LRRC4C: variants seen among roughly 807,000 people sequenced by gnomAD.
The protein encoded by LRRC4C is leucine rich repeat containing 4C.
LRRC4C carries 5 observed loss-of-function variants against 33.6 expected under a neutral mutation model. The ratio of observed to expected loss-of-function variants is 0.15; its 90% CI spans 0.08 to 0.31. LRRC4C has a LOEUF of 0.31. Ranked by LOEUF, LRRC4C falls within the 10% of genes least tolerant of loss-of-function variation. The pLI, the probability that LRRC4C is intolerant of heterozygous loss-of-function variation, is 1.00. For missense variants in LRRC4C, 560 were observed against 796.7 expected, an observed-to-expected ratio of 0.70 and a Z score of 3.58; for synonymous variants, 329 against 302.0, an observed-to-expected ratio of 1.09 and a Z score of -0.93.
Position 41,448,122 on chromosome 11 carries a change from G to GTTTTTTTTTTTTTTT in LRRC4C, c.-496+11294_-496+11308dup, listed in dbSNP as rs71063918. On this transcript the variant is annotated intron_variant, in intron 1 of 6. Coordinates refer to ENST00000528697, the MANE Select transcript of LRRC4C (RefSeq NM_001258419.2). ...ACAAACGAGGCTGCTGCACACGTCT[G>GTTTTTTTTTTTTTTT]TTTTTTTTTTTTTTTTTTTTGGAGC... is the stretch of plus-strand genomic sequence containing the variant. Among the ~76,000 whole-genome samples, 19 of 46,900 alleles carry GTTTTTTTTTTTTTTT rather than the reference G, an allele frequency of 4.1e-4. 2 individuals carry two copies. The highest frequency in any genetic ancestry group is 6.5e-4 in the Non-Finnish European group (15 of 22,916). 30.8% of individuals were successfully genotyped at this position (46,900 alleles called of 152,430 possible). A position where few individuals can be genotyped will look rare whatever the true frequency, so the allele number is the denominator to read the frequency against.
chr11:40,578,320 T>C (rs1958312331), intron 3 of LRRC4C, among the ~76,000 whole-genome samples: 1 of 151,832 alleles, frequency 6.6e-6, no homozygotes, highest in African/African-American at 2.4e-5. Context: ...AGGATATTTT[T>C]GTCAGAAAAT....
At chr11:40,286,753 T>A (rs1943867241) in intron 4 of LRRC4C, among the ~76,000 whole-genome samples, 1 of 152,146 alleles carries the variant, frequency 6.6e-6, no homozygotes, top group Admixed American at 6.5e-5. Flanking sequence ...ATTTTACAAT[T>A]GAGGAAACCG....
chr11:40,817,689 A>C lies in LRRC4C; in HGVS notation c.-407+115946T>G, dbSNP rs545780978. Among the ~76,000 whole-genome samples, 11 of 152,238 alleles carry C rather than the reference A, an allele frequency of 7.2e-5. No homozygotes were observed. The South Asian group carries it at 2.1e-3, about 29-fold the overall frequency. On this transcript the variant is annotated intron_variant, in intron 2 of 6. Coordinates refer to ENST00000528697, the MANE Select transcript of LRRC4C (RefSeq NM_001258419.2). ...TCAGAAACCTGGTAATCACTTTTGA[A>C]TCTTATCTCTTCCTTACATTAAAAG...
intron 3 of LRRC4C, among the ~76,000 whole-genome samples, chr11:40,527,155 T>G (rs759228693): frequency 6.6e-6 from 1 of 152,140 alleles, no homozygotes; most frequent in South Asian, 2.1e-4. Context: ...GATAGGACAT[T>G]TCTAAGTATA....
intron 3 of LRRC4C, among the ~76,000 whole-genome samples, chr11:40,480,938 T>C (rs983955683): frequency 6.6e-6 from 1 of 151,486 alleles, no homozygotes; most frequent in Non-Finnish European, 1.5e-5. Flanking sequence ...GGTGGAAAAG[T>C]GGGGAGAGGT....
intron 5 of LRRC4C, among the ~76,000 whole-genome samples, chr11:40,239,856 T>G (rs2136083525): frequency 6.6e-6 from 1 of 152,324 alleles, no homozygotes; most frequent in South Asian, 2.1e-4. Context: ...CAAATGTTTC[T>G]TCTTGAAAAG....
chr11:40,266,660 A>C (rs1942280922), intron 4 of LRRC4C, among the ~76,000 whole-genome samples: 1 of 152,198 alleles, frequency 6.6e-6, no homozygotes, highest in African/African-American at 2.4e-5. Context: ...AAAAGAAGGC[A>C]CAGACATTTG....
At position 40,269,748 on chromosome 11, in the gene LRRC4C, A is replaced by G. The variant is rs1057376394; in HGVS notation, c.-175-28150T>C. On this transcript the variant is annotated intron_variant, in intron 4 of 6. Transcript: ENST00000528697. ...ATTTTGTGTACTTCAAGGGATATACATTTTTTATCCCTATCCCTTTCCAAG... is the reference window on the plus strand; with the variant it reads ...ATTTTGTGTACTTCAAGGGATATACGTTTTTTATCCCTATCCCTTTCCAAG... Among the ~76,000 whole-genome samples, 8 of 126,658 alleles carry G rather than the reference A, an allele frequency of 6.3e-5. No individual in the cohort carries two copies. The South Asian group carries it at 2.0e-3, about 32-fold the overall frequency. The allele number at this position is 126,658 out of a possible 152,430, so 83.1% of individuals were successfully genotyped here. A position where few individuals can be genotyped will look rare whatever the true frequency, so the allele number is the denominator to read the frequency against.
chr11:41,091,966 C>T (rs540559194), intron 1 of LRRC4C, among the ~76,000 whole-genome samples: 166 of 152,036 alleles, frequency 1.1e-3, no homozygotes, highest in Middle Eastern at 6.8e-3. Context: ...ATCATAGTTG[C>T]ACTAAATATG....
At chr11:40,142,866 G>C (rs749421311) in intron 5 of LRRC4C, among the ~76,000 whole-genome samples, 1 of 152,022 alleles carries the variant, frequency 6.6e-6, no homozygotes, top group Non-Finnish European at 1.5e-5. Context: ...CCTCCACTTG[G>C]AGGCTTCAAA....
intron 6 of LRRC4C, among the ~76,000 whole-genome samples, chr11:40,124,269 T>G (rs2927206): frequency 1 from 151,771 of 152,256 alleles, 75,645 homozygotes; most frequent in Middle Eastern, 1. Context: ...ACTAAAAATA[T>G]AACTATAATA....
At chr11:41,387,772 G>A (rs1953418724) in intron 1 of LRRC4C, among the ~76,000 whole-genome samples, 2 of 151,752 alleles carry the variant, frequency 1.3e-5, no homozygotes, top group African/African-American at 4.8e-5. Context: ...AGTTATATAT[G>A]TTAGCTGCAA....
chr11:40,948,286 A>T (rs1958504573), intron 1 of LRRC4C, among the ~76,000 whole-genome samples: 2 of 152,206 alleles, frequency 1.3e-5, no homozygotes, highest in Non-Finnish European at 2.9e-5. Context: ...TGAAATCCTA[A>T]GAACATAGAG....
chr11:41,319,174 C>G (rs1291370429), intron 1 of LRRC4C, among the ~76,000 whole-genome samples: 2 of 152,086 alleles, frequency 1.3e-5, no homozygotes, highest in South Asian at 2.1e-4. Flanking sequence ...ATCTATGAAC[C>G]AGGAAAGTTA....
chr11:41,163,284 G>GTT (rs71466923), intron 1 of LRRC4C, among the ~76,000 whole-genome samples: 1,246 of 73,356 alleles, frequency 0.017, 232 homozygotes, highest in African/African-American at 0.059. Context: ...TACTGTAACT[G>GTT]TTTTTTTTTT....
At chr11:40,938,253 C>T (rs1397224389) in intron 1 of LRRC4C, among the ~76,000 whole-genome samples, 1 of 152,134 alleles carries the variant, frequency 6.6e-6, no homozygotes, top group Non-Finnish European at 1.5e-5. Context: ...AAAACGTAAT[C>T]TCCCTCTGAC....
At chr11:41,344,091 A>G (rs911848413) in intron 1 of LRRC4C, among the ~76,000 whole-genome samples, 4 of 152,104 alleles carry the variant, frequency 2.6e-5, no homozygotes, top group African/African-American at 9.7e-5. Context: ...TGTGTCGTTC[A>G]CTTGCACACC....
chr11:41,305,900 T>TA (rs1181435031), intron 1 of LRRC4C, among the ~76,000 whole-genome samples: 6 of 78,166 alleles, frequency 7.7e-5, no homozygotes, highest in Admixed American at 1.7e-4. Flanking sequence ...GAATTATCAA[T>TA]AAAAAAATAA....
chr11:41,231,275 A>C (rs1039099040), intron 1 of LRRC4C, among the ~76,000 whole-genome samples: 1 of 152,134 alleles, frequency 6.6e-6, no homozygotes, highest in African/African-American at 2.4e-5. Context: ...TATATACCCA[A>C]AGGATTATAA....
Sources: gnomAD v4.1 joint callset for allele counts (sites outside exome capture counted in the v4.1 genomes callset) on GRCh38, gnomAD v4.1.1 for gene constraint, MANE v1.5 for transcripts, NCBI Gene and HGNC (gene_info 2026-07-23, HGNC 2026-07-21) for gene names.